The following RSRC1 variants were observed in gnomAD, a reference collection of about 807,000 sequenced individuals.
The protein encoded by RSRC1 is serine/Arginine-related protein 53.
In RSRC1, 39 loss-of-function variants were observed where a neutral mutation model predicts 49.1. The ratio of observed to expected loss-of-function variants is 0.79; its 90% CI spans 0.61 to 1.04. RSRC1 has a LOEUF of 1.04. Among genes scored for constraint, RSRC1 ranks in the 50% least tolerant of loss-of-function variants. The pLI is 0.00. For missense variants in RSRC1, 388 were observed against 402.4 expected (o/e 0.96, Z 0.31); for synonymous variants, 143 against 130.8 (o/e 1.09, Z -0.63).
intron 5 of RSRC1, among the ~76,000 whole-genome samples, chr3:158,315,479 C>G (rs1578325239): frequency 6.6e-6 from 1 of 152,150 alleles, no homozygotes; most frequent in Non-Finnish European, 1.5e-5. Context: ...ATGATTTGTT[C>G]AAGATCCCAC....
chr3:158,241,313 G>C (rs548186779), intron 4 of RSRC1, among the ~76,000 whole-genome samples: 1 of 152,078 alleles, frequency 6.6e-6, no homozygotes, highest in African/African-American at 2.4e-5. Context: ...GCTGGACATG[G>C]TAGCGCGCAC....
intron 4 of RSRC1, among the ~76,000 whole-genome samples, chr3:158,275,553 A>T (rs1009436504): frequency 2.0e-5 from 3 of 152,204 alleles, no homozygotes; most frequent in African/African-American, 7.2e-5. Flanking sequence ...TTTTAAACCT[A>T]TTATACTACA....
chr3:158,223,487 T>C (rs535313101), intron 4 of RSRC1, among the ~76,000 whole-genome samples: 178 of 151,826 alleles, frequency 1.2e-3, no homozygotes, highest in Non-Finnish European at 2.3e-3. Flanking sequence ...AATTATTATT[T>C]ATCTTCTTTG....
intron 6 of RSRC1, among the ~76,000 whole-genome samples, chr3:158,452,917 T>C (rs917134254): frequency 6.6e-6 from 1 of 152,180 alleles, no homozygotes; most frequent in Non-Finnish European, 1.5e-5. Context: ...AAACTAGTAG[T>C]TCTCCATGCA....
At chr3:158,318,106 A>C (rs1435974123) in intron 5 of RSRC1, among the ~76,000 whole-genome samples, 1 of 151,866 alleles carries the variant, frequency 6.6e-6, no homozygotes, top group African/African-American at 2.4e-5. Context: ...AGTTTATTTT[A>C]TGTGTGGCCC....
At chr3:158,227,319 G>A (rs887843912) in intron 4 of RSRC1, among the ~76,000 whole-genome samples, 1 of 151,866 alleles carries the variant, frequency 6.6e-6, no homozygotes, top group African/African-American at 2.4e-5. Flanking sequence ...CCCAAGATTA[G>A]ACGAGTGGTT....
rs1553788489 is a variant in RSRC1 at position 158,334,649 on chromosome 3, T to TTGTGGTG, written c.532-20204_532-20203insGTGTGTG. On this transcript the variant is annotated intron_variant, in intron 5 of 9. Transcript: ENST00000611884. The stretch of plus-strand genomic sequence containing the variant: ...GCACATGACACCACACCCAGCTAAT[T>TTGTGGTG]TGTGTGTGTGTGTGTGTGTGTGTGT... Among the ~76,000 whole-genome samples the TTGTGGTG allele has an allele frequency of 2.9e-5, 4 of 137,536 alleles. No individual in the cohort carries two copies. The East Asian group carries it at 8.6e-4, about 30-fold the overall frequency. 90.2% of individuals were successfully genotyped at this position (137,536 alleles called of 152,430 possible).
intron 5 of RSRC1, among the ~76,000 whole-genome samples, chr3:158,306,534 G>A (rs533728580): frequency 6.6e-6 from 1 of 151,866 alleles, no homozygotes; most frequent in African/African-American, 2.4e-5. Flanking sequence ...TGGTTACCTT[G>A]ATTACAGTAT....
At chr3:158,247,722 C>G (rs1723983952) in intron 4 of RSRC1, among the ~76,000 whole-genome samples, 1 of 152,098 alleles carries the variant, frequency 6.6e-6, no homozygotes, top group Non-Finnish European at 1.5e-5. Flanking sequence ...GAGGTATCAC[C>G]AGTGAAGGCT....
intron 3 of RSRC1, among the ~76,000 whole-genome samples, chr3:158,176,202 A>G (rs1180496729): frequency 6.6e-6 from 1 of 152,216 alleles, no homozygotes; most frequent in Non-Finnish European, 1.5e-5. Flanking sequence ...GGAGGAATCA[A>G]TATCGTGAAA....
intron 4 of RSRC1, among the ~76,000 whole-genome samples, chr3:158,256,789 T>A (rs1724586135): frequency 6.6e-6 from 1 of 152,170 alleles, no homozygotes; most frequent in South Asian, 2.1e-4. Flanking sequence ...TCGTCCTGGT[T>A]TAGTCTTGGG....
intron 6 of RSRC1, among the ~76,000 whole-genome samples, chr3:158,445,066 C>T (rs1736619747): frequency 6.6e-6 from 1 of 152,118 alleles, no homozygotes; most frequent in African/African-American, 2.4e-5. Context: ...GGACTGTAAA[C>T]TAGTTCAACC....
At chr3:158,204,696 C>G (rs746289688) in intron 4 of RSRC1, among the ~76,000 whole-genome samples, 1 of 152,142 alleles carries the variant, frequency 6.6e-6, no homozygotes, top group Non-Finnish European at 1.5e-5. Flanking sequence ...AAGGAACTGC[C>G]TTGCTTCTGG....
chr3:158,148,534 G>T (rs951543604), intron 3 of RSRC1, among the ~76,000 whole-genome samples: 3 of 151,746 alleles, frequency 2.0e-5, no homozygotes, highest in Non-Finnish European at 4.4e-5. Context: ...CTTCTCTCTG[G>T]GCTTGTTTAT....
intron 1 of RSRC1, among the ~76,000 whole-genome samples, chr3:158,117,531 A>C (rs1055973922): frequency 6.6e-6 from 1 of 152,004 alleles, no homozygotes; most frequent in Non-Finnish European, 1.5e-5. Context: ...GGTTCAAGCA[A>C]TCCACCCACT....
chr3:158,310,674 T>TA lies in RSRC1; in HGVS notation c.531+12603dup, dbSNP rs1278270554. On this transcript the variant is annotated intron_variant, in intron 5 of 9. Coordinates refer to ENST00000611884, the MANE Select transcript of RSRC1 (RefSeq NM_001271838.2). Reference sequence around the variant, plus strand: ...AGAAGCAACTTTTAAAAATATGTTTTAAAATAACACAAATCAATACTAGTT... The same window carrying TA: ...AGAAGCAACTTTTAAAAATATGTTTTAAAAATAACACAAATCAATACTAGTT... Among the ~76,000 whole-genome samples, 3 of 151,766 alleles carry TA rather than the reference T, an allele frequency of 2.0e-5. No individual in the cohort carries two copies. The East Asian group carries it at 5.8e-4, about 29-fold the overall frequency.
chr3:158,525,491 G>T (rs1711957175), intron 7 of RSRC1, among the ~76,000 whole-genome samples: 1 of 151,886 alleles, frequency 6.6e-6, no homozygotes, highest in South Asian at 2.1e-4. Flanking sequence ...AATCAGTTTG[G>T]CAGTGTCTTA....
rs561044099 is a variant in RSRC1 at position 158,124,044 on chromosome 3, C to T, written c.320+53C>T. On this transcript the variant is annotated intron_variant, in intron 3 of 9. Transcript: ENST00000611884. The stretch of plus-strand genomic sequence containing the variant: ...TGTAACAAATTATTCCCAAATTCAG[C>T]GATGTAAAGCAACAATCATTTATTT... 1.9e-4 allele frequency: 233 copies of T among 1,237,340 alleles called. 1 individual carries two copies. Among genetic ancestry groups the T allele is most frequent in the Middle Eastern group, 6.0e-4 (3 of 4,994 alleles). The allele number at this position is 1,237,340 out of a possible 1,614,324, so 76.6% of individuals were successfully genotyped here.
At chr3:158,381,936 A>T (rs963258991) in intron 6 of RSRC1, among the ~76,000 whole-genome samples, 2 of 152,098 alleles carry the variant, frequency 1.3e-5, no homozygotes, top group South Asian at 4.2e-4. Context: ...ATTCATTTAA[A>T]TTTTTTTTGT....
Sources: allele counts gnomAD v4.1 joint callset (sites outside exome capture counted in the v4.1 genomes callset), GRCh38; gene constraint gnomAD v4.1.1; transcripts MANE v1.5; gene names NCBI Gene and HGNC (gene_info 2026-07-23, HGNC 2026-07-21).